The following CHAT variants were observed in gnomAD, a reference collection of about 807,000 sequenced individuals.
The protein encoded by CHAT is acetyl CoA:choline O-acetyltransferase.
CHAT carries 61 observed loss-of-function variants against 76.9 expected under a neutral mutation model. That is an observed-to-expected ratio of 0.79 (90% CI 0.65 to 0.98). The LOEUF (loss-of-function observed/expected upper bound fraction) is 0.98, where lower values mean the gene tolerates loss of function less well. Ranked by LOEUF, CHAT falls within the 50% of genes least tolerant of loss-of-function variation. The probability of loss-of-function intolerance (pLI) is 0.00; values close to 1 mark genes in which losing one functional copy is unlikely to be tolerated. For synonymous variants in CHAT, 407 were observed against 397.4 expected (o/e 1.02, Z -0.29); for missense variants, 946 against 986.9 (o/e 0.96, Z 0.56).
rs1164854776 is a variant in CHAT, at chr10:49,666,079, G to A, written c.*1033G>A. Among the ~76,000 whole-genome samples, 3 of 152,106 alleles carry A rather than the reference G, an allele frequency of 2.0e-5. No individual in the cohort carries two copies. Among genetic ancestry groups the A allele is most frequent in the Non-Finnish European group, 4.4e-5 (3 of 68,030 alleles). On this transcript the variant is annotated 3_prime_UTR_variant, in exon 15 of 15. Transcript: ENST00000337653. ...TTCAAGCAGGACCCTTAGGCAGCTGGGCTCCTTTATTTGGAGCAGGCTATC... is the reference window on the plus strand; with the variant it reads ...TTCAAGCAGGACCCTTAGGCAGCTGAGCTCCTTTATTTGGAGCAGGCTATC...
chr10:49,623,644 C>T (rs1838809483), intron 5 of CHAT, among the ~76,000 whole-genome samples: 1 of 152,182 alleles, frequency 6.6e-6, no homozygotes, highest in Non-Finnish European at 1.5e-5. Flanking sequence ...GGGTGTCTCT[C>T]AGTCATTACA....
intron 7 of CHAT, among the ~76,000 whole-genome samples, chr10:49,644,810 G>A (rs1313774283): frequency 6.6e-6 from 1 of 152,224 alleles, no homozygotes; most frequent in Non-Finnish European, 1.5e-5. Flanking sequence ...TGGGCAGAGC[G>A]AAGACCAGTG....
chr10:49,656,275 T>C (rs1305147038), intron 13 of CHAT, among the ~76,000 whole-genome samples: 1 of 134,416 alleles, frequency 7.4e-6, no homozygotes, highest in Non-Finnish European at 1.5e-5. Context: ...CACTCATGTA[T>C]TCAGTGGGTT....
intron 7 of CHAT, among the ~76,000 whole-genome samples, chr10:49,641,319 C>T (rs1050988243): frequency 1.3e-5 from 2 of 152,186 alleles, no homozygotes; most frequent in African/African-American, 2.4e-5. Context: ...TTCCTTGGGT[C>T]CTGAGGTCCC....
chr10:49,652,209 G>C (rs1839902944), intron 11 of CHAT, among the ~76,000 whole-genome samples: 1 of 152,194 alleles, frequency 6.6e-6, no homozygotes, highest in Non-Finnish European at 1.5e-5. Flanking sequence ...TGCCATCAGG[G>C]AACTGCCTGG....
rs767028944 is a variant in CHAT at position 49,664,767 on chromosome 10, T to C, written c.1978-10T>C. 4 of 1,614,048 alleles carry C rather than the reference T, an allele frequency of 2.5e-6. No individual in the cohort carries two copies. The highest frequency in any genetic ancestry group is 2.2e-5 in the East Asian group (1 of 44,888). On this transcript the variant is annotated splice_polypyrimidine_tract_variant and intron_variant, in intron 14 of 14. Coordinates refer to ENST00000337653, the MANE Select transcript of CHAT (RefSeq NM_020549.5). ...AGAACAAGCAGCTCCTGACCTGTCC[T>C]CTCCTCCAGGTGCCCACAACCACGG...
chr10:49,628,038 A>G (rs190180520), intron 7 of CHAT, among the ~76,000 whole-genome samples: 2 of 152,016 alleles, frequency 1.3e-5, no homozygotes, highest in Admixed American at 1.3e-4. Context: ...GTCTGAGAAT[A>G]CTGGGCGGGG....
intron 1 of CHAT, among the ~76,000 whole-genome samples, chr10:49,615,290 AC>A (rs1406295719): frequency 2.0e-5 from 3 of 152,302 alleles, no homozygotes; most frequent in Admixed American, 1.3e-4. Flanking sequence ...CCTCACCAGG[AC>A]GCCACCTCTT....
Position 49,616,552 on chromosome 10 carries a change from GA to G in CHAT, c.341del (p.Lys114ArgfsTer86). ...AGGACTCACCAAGACGCCCATCCTGGAAAAGGTCCCCCGTAAGATGGCAGCA... is the reference window on the plus strand; with the variant it reads ...AGGACTCACCAAGACGCCCATCCTGGAAAGGTCCCCCGTAAGATGGCAGCA... ...APGLTKTPIL[E>X]KVPRKMAAKT... On this transcript the variant is annotated frameshift_variant, in exon 2 of 15. Coordinates refer to ENST00000337653, the MANE Select transcript of CHAT (RefSeq NM_020549.5). LOFTEE classifies it high-confidence loss of function. The G allele has an allele frequency of 6.2e-7, 1 of 1,613,076 alleles. No individual in the cohort carries two copies. The highest frequency in any genetic ancestry group is 2.2e-5 in the East Asian group (1 of 44,828).
intron 2 of CHAT, among the ~76,000 whole-genome samples, chr10:49,617,677 G>C (rs2132705015): frequency 6.6e-6 from 1 of 152,270 alleles, no homozygotes; most frequent in Middle Eastern, 3.4e-3. Context: ...GGGCCCTTTT[G>C]GCCAGGTCAC....
At chr10:49,610,863 G>C (rs1482370145), upstream of CHAT, 6 of 1,612,996 alleles carry the variant, frequency 3.7e-6, no homozygotes, top group Non-Finnish European at 5.1e-6. Context: ...TCGTGTGCGT[G>C]GCGCTGTTAC....
chr10:49,612,685 C>T, upstream of CHAT: 1 of 290,886 alleles, frequency 3.4e-6, no homozygotes, highest in Non-Finnish European at 6.7e-6. Flanking sequence ...ACCGCGGCGC[C>T]TCCGCCCAAA....
At chr10:49,612,384 G>A (rs762325370), upstream of CHAT, 5 of 1,532,758 alleles carry the variant, frequency 3.3e-6, no homozygotes, top group Admixed American at 4.0e-5. Flanking sequence ...TTGGGTCAAG[G>A]GGGCTGCTCT....
At chr10:49,651,268 G>A (rs1486775600) in intron 10 of CHAT, among the ~76,000 whole-genome samples, 2 of 151,964 alleles carry the variant, frequency 1.3e-5, no homozygotes, top group East Asian at 1.9e-4. Flanking sequence ...TGGCCCCACC[G>A]AGAGCTGAGC....
At chr10:49,640,106 A>G (rs1252558197) in intron 7 of CHAT, among the ~76,000 whole-genome samples, 3 of 151,648 alleles carry the variant, frequency 2.0e-5, no homozygotes, top group Non-Finnish European at 4.4e-5. Flanking sequence ...ATTTGTTTCA[A>G]ATATGTTAAA....
intron 13 of CHAT, chr10:49,661,556 C>T (rs1840194820): frequency 6.6e-6 from 1 of 152,178 alleles, no homozygotes; most frequent in South Asian, 2.1e-4. Context: ...AATCCCTAAA[C>T]GTGCCTTGTA....
chr10:49,648,416 C>A, intron 8 of CHAT, 91 bp from the exon 9 acceptor site: 1 of 866,456 alleles, frequency 1.2e-6, no homozygotes, highest in African/African-American at 1.7e-5. Context: ...GAAGAGGTGC[C>A]CTGAGAAGCC....
intron 7 of CHAT, among the ~76,000 whole-genome samples, chr10:49,635,231 G>C (rs1035928204): frequency 6.6e-6 from 1 of 152,152 alleles, no homozygotes; most frequent in African/African-American, 2.4e-5. Flanking sequence ...TAATTCTCCG[G>C]ATGGAGATTT....
chr10:49,665,142 T>C lies in CHAT; in HGVS notation c.*96T>C. 7.3e-7 allele frequency: 1 copy of C among 1,366,602 alleles called. No homozygotes were observed. Among genetic ancestry groups the C allele is most frequent in the East Asian group, 2.3e-5 (1 of 43,704 alleles). The allele number at this position is 1,366,602 out of a possible 1,614,324, so 84.7% of individuals were successfully genotyped here. A position where few individuals can be genotyped will look rare whatever the true frequency, so the allele number is the denominator to read the frequency against. The stretch of plus-strand genomic sequence containing the variant: ...GTCCCTTACCCCAGCTTTCCACAGC[T>C]CCCTGTCCTCAGGGTCCAACTCACA... On this transcript the variant is annotated 3_prime_UTR_variant, in exon 15 of 15. Coordinates refer to ENST00000337653, the MANE Select transcript of CHAT (RefSeq NM_020549.5).
Sources: gnomAD v4.1 joint callset for allele counts (sites outside exome capture counted in the v4.1 genomes callset) on GRCh38, gnomAD v4.1.1 for gene constraint, MANE v1.5 for transcripts, NCBI Gene and HGNC (gene_info 2026-07-23, HGNC 2026-07-21) for gene names.